UMAD1: variants seen among roughly 807,000 people sequenced by gnomAD.
The protein encoded by UMAD1 is UBAP1-MVB12-associated (UMA)-domain containing protein 1.
A neutral mutation model predicts 6.1 loss-of-function variants in UMAD1; 8 were observed. The observed-to-expected ratio is 1.30, with a 90% CI of 0.76 to 2.35. The LOEUF is 2.35. Among genes scored for constraint, UMAD1 ranks in the 30% most tolerant of loss-of-function variants. The probability of loss-of-function intolerance (pLI) is 0.00; values close to 1 mark genes in which losing one functional copy is unlikely to be tolerated. For missense variants in UMAD1, 130 were observed against 78.4 expected (o/e 1.66, Z -2.49); for synonymous variants, 56 against 31.4 (o/e 1.78, Z -2.61).
chr7:7,651,397 G>C (rs1354641340), intron 1 of UMAD1, among the ~76,000 whole-genome samples: 1 of 152,094 alleles, frequency 6.6e-6, no homozygotes, highest in Non-Finnish European at 1.5e-5. Flanking sequence ...GCAACATTTG[G>C]GTATGGAAAC....
intron 2 of UMAD1, among the ~76,000 whole-genome samples, chr7:7,771,403 G>A (rs1439817191): frequency 6.6e-6 from 1 of 152,204 alleles, no homozygotes; most frequent in South Asian, 2.1e-4. Flanking sequence ...TGGTTAGGGG[G>A]TGCCATCGCT....
chr7:7,667,193 G>C (rs1156562462), intron 1 of UMAD1, among the ~76,000 whole-genome samples: 1 of 152,196 alleles, frequency 6.6e-6, no homozygotes, highest in Non-Finnish European at 1.5e-5. Flanking sequence ...TTGGGTTCTA[G>C]CTCAGATAGG....
rs565505047 is a variant in UMAD1, at chr7:7,721,470, A to G, written c.82+48017A>G. On this transcript the variant is annotated intron_variant, in intron 2 of 3. Transcript: ENST00000682710. ...ATTGTGAGCCGTAGGGGATACTGCCATTAGGAGCCATTTTTCCTTAAAAGG... is the reference window on the plus strand; with the variant it reads ...ATTGTGAGCCGTAGGGGATACTGCCGTTAGGAGCCATTTTTCCTTAAAAGG... 3.6e-3 allele frequency among the ~76,000 whole-genome samples: 547 copies of G among 152,334 alleles called. 1 individual carries two copies. Among genetic ancestry groups the G allele is most frequent in the Non-Finnish European group, 6.8e-3 (461 of 68,028 alleles).
intron 1 of UMAD1, among the ~76,000 whole-genome samples, chr7:7,642,022 C>T (rs1784985208): frequency 6.6e-6 from 1 of 152,152 alleles, no homozygotes; most frequent in African/African-American, 2.4e-5. Context: ...TGTATTGGTG[C>T]AAGTCAGTAA....
At chr7:7,652,495 A>G (rs1271500642) in intron 1 of UMAD1, among the ~76,000 whole-genome samples, 1 of 152,234 alleles carries the variant, frequency 6.6e-6, no homozygotes, top group African/African-American at 2.4e-5. Context: ...ACTAGACTAG[A>G]ATGTGAGTAA....
chr7:7,773,784 G>A (rs1241071593), intron 2 of UMAD1, among the ~76,000 whole-genome samples: 4 of 152,178 alleles, frequency 2.6e-5, no homozygotes, highest in African/African-American at 7.2e-5. Flanking sequence ...CTTTATTTCA[G>A]TTAGGGGAAT....
intron 1 of UMAD1, among the ~76,000 whole-genome samples, chr7:7,670,629 G>A (rs1179116587): frequency 6.6e-6 from 1 of 152,196 alleles, no homozygotes; most frequent in Non-Finnish European, 1.5e-5. Flanking sequence ...CATGCTCAAA[G>A]TTCAGTGCCT....
chr7:7,778,725 T>C (rs892699624), intron 2 of UMAD1, among the ~76,000 whole-genome samples: 2 of 152,180 alleles, frequency 1.3e-5, no homozygotes, highest in Non-Finnish European at 2.9e-5. Flanking sequence ...CTAATGTTTT[T>C]CAAAAGAAAA....
intron 1 of UMAD1, among the ~76,000 whole-genome samples, chr7:7,671,508 A>T (rs558253957): frequency 1.3e-5 from 2 of 152,292 alleles, no homozygotes; most frequent in South Asian, 2.1e-4. Flanking sequence ...TGTTCCTTAA[A>T]GGCCTTCTCA....
chr7:7,678,776 A>C (rs866991979), intron 2 of UMAD1, among the ~76,000 whole-genome samples: 1 of 14,676 alleles, frequency 6.8e-5, no homozygotes, highest in African/African-American at 3.6e-4. Flanking sequence ...TTAGTTTATA[A>C]ATATATTTAT....
chr7:7,837,576 C>T (rs767131108), intron 3 of UMAD1, among the ~76,000 whole-genome samples: 7 of 151,758 alleles, frequency 4.6e-5, no homozygotes, highest in Non-Finnish European at 8.8e-5. Context: ...CTAGGGTATT[C>T]ACTAAAGAAA....
chr7:7,852,235 A>T (rs1342893520), intron 3 of UMAD1, among the ~76,000 whole-genome samples: 1 of 152,080 alleles, frequency 6.6e-6, no homozygotes, highest in Admixed American at 6.5e-5. Flanking sequence ...TTTTTCCTCT[A>T]CTCTCACATC....
chr7:7,842,792 A>G (rs989804328), intron 3 of UMAD1, among the ~76,000 whole-genome samples: 1 of 152,074 alleles, frequency 6.6e-6, no homozygotes, highest in Non-Finnish European at 1.5e-5. Flanking sequence ...TTTTCACCCC[A>G]TTCAATAAAT....
intron 2 of UMAD1, among the ~76,000 whole-genome samples, chr7:7,762,204 A>G (rs568204617): frequency 1.0e-3 from 152 of 152,292 alleles, no homozygotes; most frequent in African/African-American, 2.9e-3. Flanking sequence ...AGGAGAACAA[A>G]TTATTTACAT....
At chr7:7,645,338 T>C (rs1395431764) in intron 1 of UMAD1, among the ~76,000 whole-genome samples, 1 of 152,238 alleles carries the variant, frequency 6.6e-6, no homozygotes, top group African/African-American at 2.4e-5. Flanking sequence ...TATTCTCACA[T>C]GTGAAAGAAG....
chr7:7,674,360 G>A (rs1017996709), intron 2 of UMAD1, among the ~76,000 whole-genome samples: 1 of 152,172 alleles, frequency 6.6e-6, no homozygotes, highest in African/African-American at 2.4e-5. Context: ...TGAGAAATAA[G>A]GGATGTTTCC....
chr7:7,681,462 G>A (rs1481783039), intron 2 of UMAD1, among the ~76,000 whole-genome samples: 1 of 152,056 alleles, frequency 6.6e-6, no homozygotes, highest in Admixed American at 6.6e-5. Context: ...TCCGCATTAA[G>A]ATTTCGAAAG....
chr7:7,874,793 G>T (rs1784387120), intron 3 of UMAD1, among the ~76,000 whole-genome samples: 1 of 152,306 alleles, frequency 6.6e-6, no homozygotes, highest in South Asian at 2.1e-4. Context: ...AATAAGGATA[G>T]TGATTGACAG....
intron 3 of UMAD1, among the ~76,000 whole-genome samples, chr7:7,848,290 A>G (rs1783848907): frequency 6.6e-6 from 1 of 152,222 alleles, no homozygotes; most frequent in South Asian, 2.1e-4. Context: ...ATCTCAAAAT[A>G]AAATGACACA....
Sources: allele counts gnomAD v4.1 joint callset (sites outside exome capture counted in the v4.1 genomes callset), GRCh38; gene constraint gnomAD v4.1.1; transcripts MANE v1.5; gene names NCBI Gene and HGNC (gene_info 2026-07-23, HGNC 2026-07-21).